Variants in CDH18 observed in about 807,000 individuals in gnomAD.
CDH18 encodes cadherin 18, also known as cadherin-18.
CDH18 carries 31 observed loss-of-function variants against 67.9 expected under a neutral mutation model. The ratio of observed to expected loss-of-function variants is 0.46; its 90% CI spans 0.34 to 0.62. The LOEUF (loss-of-function observed/expected upper bound fraction) is 0.62. Ranked by LOEUF, CDH18 falls within the 20% of genes least tolerant of loss-of-function variation. CDH18 has a pLI of 0.01. For missense variants in CDH18, 890 were observed against 975.5 expected (o/e 0.91, Z 1.17); for synonymous variants, 362 against 347.2 (o/e 1.04, Z -0.48).
At chr5:19,836,332 G>A (rs569633893) in intron 3 of CDH18, among the ~76,000 whole-genome samples, 38 of 152,188 alleles carry the variant, frequency 2.5e-4, no homozygotes, top group Admixed American at 7.9e-4. Context: ...AGCATCTGTT[G>A]TTTCCTGACT....
At chr5:20,329,266 T>C (rs1344000909) in intron 1 of CDH18, among the ~76,000 whole-genome samples, 1 of 152,162 alleles carries the variant, frequency 6.6e-6, no homozygotes, top group Non-Finnish European at 1.5e-5. Flanking sequence ...AGATAACACA[T>C]CACTATTGAT....
chr5:20,185,856 A>C (rs1738056100), intron 2 of CDH18, among the ~76,000 whole-genome samples: 1 of 112,928 alleles, frequency 8.9e-6, no homozygotes, highest in African/African-American at 3.8e-5. Context: ...GCTAGTACTA[A>C]ATTTATCTAT....
chr5:20,454,027 A>G (rs1419784792), intron 1 of CDH18, among the ~76,000 whole-genome samples: 2 of 152,168 alleles, frequency 1.3e-5, no homozygotes, highest in Non-Finnish European at 2.9e-5. Flanking sequence ...AGGAATAAAT[A>G]GAATAAATAA....
chr5:19,699,602 C>A (rs1212964969), intron 5 of CDH18, among the ~76,000 whole-genome samples: 2 of 149,358 alleles, frequency 1.3e-5, no homozygotes, highest in East Asian at 4.0e-4. Context: ...GATGATGTCT[C>A]TCTTTCTCCA....
intron 2 of CDH18, among the ~76,000 whole-genome samples, chr5:19,878,357 T>C (rs773944082): frequency 2.0e-5 from 3 of 152,028 alleles, no homozygotes; most frequent in Non-Finnish European, 4.4e-5. Context: ...CTAGAACGTA[T>C]TTATATTATT....
intron 2 of CDH18, among the ~76,000 whole-genome samples, chr5:19,913,690 G>A (rs950258575): frequency 2.6e-5 from 4 of 152,052 alleles, no homozygotes; most frequent in Admixed American, 1.3e-4. Context: ...CTAAAAAAAA[G>A]AATGATGCTG....
intron 3 of CDH18, among the ~76,000 whole-genome samples, chr5:19,755,462 C>CATATATATATATATATATATATATATAT (rs375579381): frequency 1.3e-5 from 1 of 79,256 alleles, no homozygotes; most frequent in Non-Finnish European, 2.5e-5. Flanking sequence ...TATATATACA[C>CATATATATATATATATATATATATATAT]ACACACACAC....
intron 2 of CDH18, among the ~76,000 whole-genome samples, chr5:20,244,912 T>C (rs1475085168): frequency 6.6e-6 from 1 of 152,138 alleles, no homozygotes; most frequent in Non-Finnish European, 1.5e-5. Context: ...CTTTATTCTA[T>C]TCAGCCTTTA....
At chr5:19,891,111 C>G (rs538470859) in intron 2 of CDH18, among the ~76,000 whole-genome samples, 1 of 152,192 alleles carries the variant, frequency 6.6e-6, no homozygotes, top group South Asian at 2.1e-4. Context: ...TTGGCTTGGT[C>G]TGCTCTCTGT....
intron 1 of CDH18, among the ~76,000 whole-genome samples, chr5:20,392,614 A>G (rs538144153): frequency 6.6e-6 from 1 of 152,014 alleles, no homozygotes; most frequent in Non-Finnish European, 1.5e-5. Flanking sequence ...TAATATGCCC[A>G]AGGAGAACAA....
At chr5:19,616,569 G>T (rs1166471367) in intron 5 of CDH18, among the ~76,000 whole-genome samples, 1 of 152,002 alleles carries the variant, frequency 6.6e-6, no homozygotes, top group Admixed American at 6.6e-5. Flanking sequence ...ATTGTTATTG[G>T]TTTTCAAACT....
At chr5:20,250,445 A>G (rs912414751) in intron 2 of CDH18, among the ~76,000 whole-genome samples, 9 of 151,888 alleles carry the variant, frequency 5.9e-5, no homozygotes, top group Admixed American at 5.2e-4. Flanking sequence ...GGCGCCCGCC[A>G]CCACGCCCAG....
chr5:20,143,335 ATATT>A (rs1401158383), intron 2 of CDH18, among the ~76,000 whole-genome samples: 1 of 152,126 alleles, frequency 6.6e-6, no homozygotes, highest in Non-Finnish European at 1.5e-5. Flanking sequence ...GAAAAGTGGC[ATATT>A]TAGATGAGAA....
At chr5:19,596,033 G>A (rs1396333517) in intron 6 of CDH18, among the ~76,000 whole-genome samples, 2 of 152,144 alleles carry the variant, frequency 1.3e-5, no homozygotes, top group Non-Finnish European at 2.9e-5. Context: ...AAATGTTATA[G>A]GATCCCTCCT....
rs1436452778 is a variant in CDH18, at chr5:19,906,827, C to CAA, written c.-256-67586_-256-67585insTT. ...ATGATAATAATAAATAAATAAAATC[C>CAA]ACAACCAATCAAGACACAACTATCA... On this transcript the variant is annotated intron_variant, in intron 2 of 12. Coordinates refer to ENST00000382275, the MANE Select transcript of CDH18 (RefSeq NM_004934.5). Among the ~76,000 whole-genome samples the CAA allele has an allele frequency of 3.3e-5, 5 of 151,822 alleles. No individual in the cohort carries two copies. In the East Asian group the frequency reaches 9.7e-4, roughly 29 times the overall value.
intron 5 of CDH18, among the ~76,000 whole-genome samples, chr5:19,695,017 G>T (rs1284229496): frequency 6.6e-6 from 1 of 152,096 alleles, no homozygotes; most frequent in Non-Finnish European, 1.5e-5. Context: ...ACAGAGGGAG[G>T]GTCCATAATT....
At chr5:20,281,556 C>A (rs1305878149) in intron 1 of CDH18, among the ~76,000 whole-genome samples, 3 of 151,932 alleles carry the variant, frequency 2.0e-5, no homozygotes, top group African/African-American at 7.3e-5. Flanking sequence ...TGTTCTTTTC[C>A]ATTGGTCTAT....
intron 1 of CDH18, among the ~76,000 whole-genome samples, chr5:20,526,640 C>A: frequency 6.6e-6 from 1 of 152,038 alleles, no homozygotes; most frequent in African/African-American, 2.4e-5. Context: ...CCCCAGCAAA[C>A]TGCAGCAGAC....
chr5:19,531,661 G>A (rs570705465), intron 9 of CDH18, among the ~76,000 whole-genome samples: 2 of 151,948 alleles, frequency 1.3e-5, no homozygotes, highest in African/African-American at 2.4e-5. Context: ...GCTGGGCACG[G>A]TAGCTCACAC....
Sources: allele counts gnomAD v4.1 joint callset (sites outside exome capture counted in the v4.1 genomes callset), GRCh38; gene constraint gnomAD v4.1.1; transcripts MANE v1.5; gene names NCBI Gene and HGNC (gene_info 2026-07-23, HGNC 2026-07-21).